Variants in SRGAP1 observed in about 807,000 individuals in gnomAD.
The protein encoded by SRGAP1 is SLIT-ROBO Rho GTPase-activating protein 1.
SRGAP1 carries 43 observed loss-of-function variants against 121.9 expected under a neutral mutation model. That is an observed-to-expected ratio of 0.35 (90% CI 0.28 to 0.46). The LOEUF is 0.46. Ranked by LOEUF, SRGAP1 falls within the 20% of genes least tolerant of loss-of-function variation. The pLI, the probability that SRGAP1 is intolerant of heterozygous loss-of-function variation, is 1.00. For synonymous variants in SRGAP1, 447 were observed against 485.4 expected (o/e 0.92, Z 1.04); for missense variants, 1,102 against 1,350.9 (o/e 0.82, Z 2.89).
In SRGAP1 at chr12:64,154,394, C is replaced by T. The variant is rs2037147861; in HGVS notation, c.*11722C>T. On this transcript the variant is annotated 3_prime_UTR_variant, in exon 22 of 22. Transcript: ENST00000355086. Reference sequence around the variant, plus strand: ...ATGGCATGAGGGAAGTGAGAGACCACAATTAAGGAGCAACACAGGAGATGA... The same window carrying T: ...ATGGCATGAGGGAAGTGAGAGACCATAATTAAGGAGCAACACAGGAGATGA... 6.6e-6 allele frequency: 1 copy of T among 151,836 alleles called. No individual in the cohort carries two copies. Among genetic ancestry groups the T allele is most frequent in the East Asian group, 1.9e-4 (1 of 5,182 alleles). The allele number at this position is 151,836 out of a possible 1,614,324, so 9.4% of individuals were successfully genotyped here. A position where few individuals can be genotyped will look rare whatever the true frequency, so the allele number is the denominator to read the frequency against.
chr12:64,096,645 T>C (rs1007969911), intron 14 of SRGAP1, among the ~76,000 whole-genome samples: 20 of 152,232 alleles, frequency 1.3e-4, no homozygotes, highest in Non-Finnish European at 2.6e-4. Flanking sequence ...TACAAACTCC[T>C]TGGTAACATG....
intron 6 of SRGAP1, among the ~76,000 whole-genome samples, chr12:64,050,912 C>T (rs1032510971): frequency 2.4e-4 from 37 of 151,948 alleles, no homozygotes; most frequent in Admixed American, 5.9e-4. Flanking sequence ...TTAGTAGAGA[C>T]GGGGTTTCAC....
At chr12:64,136,735 T>C (rs2036862362) in intron 21 of SRGAP1, among the ~76,000 whole-genome samples, 1 of 152,184 alleles carries the variant, frequency 6.6e-6, no homozygotes, top group South Asian at 2.1e-4. Context: ...GACTGTTTTA[T>C]TTTTTTCTGT....
chr12:63,975,719 A>G (rs1359406630), intron 1 of SRGAP1, among the ~76,000 whole-genome samples: 1 of 152,122 alleles, frequency 6.6e-6, no homozygotes, highest in African/African-American at 2.4e-5. Flanking sequence ...AGTGCTTAAG[A>G]TTTCTCCACA....
At chr12:64,055,778 T>C (rs2035328780) in intron 6 of SRGAP1, among the ~76,000 whole-genome samples, 1 of 152,190 alleles carries the variant, frequency 6.6e-6, no homozygotes, top group Non-Finnish European at 1.5e-5. Context: ...CTGTTCTTTC[T>C]CTTTTCTCAG....
In SRGAP1 at chr12:64,098,680, AAAAAAAT is replaced by A. The variant is rs1411897612; in HGVS notation, c.1813+1312_1813+1318del. Among the ~76,000 whole-genome samples the A allele has an allele frequency of 4.2e-5, 6 of 142,428 alleles. No homozygotes were observed. In the South Asian group the frequency reaches 6.5e-4, roughly 15 times the overall value. 93.4% of individuals were successfully genotyped at this position (142,428 alleles called of 152,430 possible). On this transcript the variant is annotated intron_variant, in intron 15 of 21. Transcript: ENST00000355086. Reference sequence around the variant, plus strand: ...GCAAGACTCTGTCTCAAAAAAAAATAAAAAAATAAAAAAGCTAACTCCATGGCATGGC... The same window carrying A: ...GCAAGACTCTGTCTCAAAAAAAAATAAAAAAAGCTAACTCCATGGCATGGC...
intron 3 of SRGAP1, among the ~76,000 whole-genome samples, chr12:63,991,631 T>A (rs1376086401): frequency 6.6e-6 from 1 of 152,134 alleles, no homozygotes; most frequent in Non-Finnish European, 1.5e-5. Flanking sequence ...GAGATCTCGT[T>A]TGGTTCAGCA....
chr12:63,946,839 G>A (rs187433260), intron 1 of SRGAP1, among the ~76,000 whole-genome samples: 3 of 152,152 alleles, frequency 2.0e-5, no homozygotes, highest in East Asian at 1.9e-4. Context: ...CATTATGCCC[G>A]GCTTAGTTTG....
intron 1 of SRGAP1, among the ~76,000 whole-genome samples, chr12:63,861,842 C>G (rs1899463954): frequency 6.6e-6 from 1 of 152,072 alleles, no homozygotes; most frequent in Non-Finnish European, 1.5e-5. Context: ...TAAAAATTGG[C>G]CTGGCGCAGT....
intron 4 of SRGAP1, among the ~76,000 whole-genome samples, chr12:64,040,634 T>C (rs1189792334): frequency 2.0e-5 from 3 of 152,164 alleles, no homozygotes; most frequent in Admixed American, 1.3e-4. Flanking sequence ...AAAATTATGA[T>C]TTTCAGATAA....
intron 1 of SRGAP1, among the ~76,000 whole-genome samples, chr12:63,876,225 T>A (rs1442880143): frequency 6.6e-6 from 1 of 152,160 alleles, no homozygotes; most frequent in Non-Finnish European, 1.5e-5. Context: ...GAGAAAATTT[T>A]AATATCATGA....
At chr12:63,952,138 C>T (rs1440384979) in intron 1 of SRGAP1, among the ~76,000 whole-genome samples, 3 of 152,000 alleles carry the variant, frequency 2.0e-5, no homozygotes, top group African/African-American at 7.3e-5. Context: ...TACACTCACC[C>T]CCCTCCCCAC....
chr12:64,051,457 A>T (rs2035237868), intron 6 of SRGAP1, among the ~76,000 whole-genome samples: 2 of 152,136 alleles, frequency 1.3e-5, no homozygotes, highest in African/African-American at 4.8e-5. Context: ...GTTCAGCAAA[A>T]CTCTTTCTTA....
chr12:63,925,258 A>G (rs1044393334), intron 1 of SRGAP1, among the ~76,000 whole-genome samples: 4 of 152,334 alleles, frequency 2.6e-5, no homozygotes, highest in Non-Finnish European at 4.4e-5. Flanking sequence ...ACATTATTAT[A>G]AACTATTTAC....
In SRGAP1 at chr12:64,080,618, AG is replaced by A. The variant is rs566052332; in HGVS notation, c.1408+251del. On this transcript the variant is annotated intron_variant, in intron 10 of 21. Transcript: ENST00000355086. ...GCTGGAAAGTCAATACCGAGCTCCT[AG>A]GGAGGGATCTTCAGAGTGTGGTGCT... is the stretch of plus-strand genomic sequence containing the variant. The A allele has an allele frequency of 3.5e-3, 1,919 of 549,108 alleles. 6 individuals carry two copies. Among genetic ancestry groups the A allele is most frequent in the Non-Finnish European group, 5.3e-3 (1,595 of 302,006 alleles). 34.0% of individuals were successfully genotyped at this position (549,108 alleles called of 1,614,324 possible).
chr12:63,859,214 C>T (rs1421334593), intron 1 of SRGAP1, among the ~76,000 whole-genome samples: 1 of 152,044 alleles, frequency 6.6e-6, no homozygotes, highest in Non-Finnish European at 1.5e-5. Flanking sequence ...CTCTGTCATC[C>T]AGGCTGGCAT....
At chr12:64,076,187 GT>G (rs748395980) in intron 8 of SRGAP1, among the ~76,000 whole-genome samples, 2 of 152,136 alleles carry the variant, frequency 1.3e-5, no homozygotes, top group Non-Finnish European at 2.9e-5. Context: ...TTGACCTCAA[GT>G]AACTCTACAA....
At chr12:63,868,217 G>T (rs1428584323) in intron 1 of SRGAP1, among the ~76,000 whole-genome samples, 4 of 150,828 alleles carry the variant, frequency 2.7e-5, no homozygotes, top group Non-Finnish European at 5.9e-5. Context: ...AAGCAGCTGG[G>T]ATTACAGGTG....
At chr12:64,101,605 A>ATTTTG (rs544554930) in intron 15 of SRGAP1, among the ~76,000 whole-genome samples, 12 of 152,006 alleles carry the variant, frequency 7.9e-5, no homozygotes, top group East Asian at 1.9e-4. Context: ...CCCAAGAGTT[A>ATTTTG]TTTTGTTTTG....
Sources: allele counts gnomAD v4.1 joint callset (sites outside exome capture counted in the v4.1 genomes callset), GRCh38; gene constraint gnomAD v4.1.1; transcripts MANE v1.5; gene names NCBI Gene and HGNC (gene_info 2026-07-23, HGNC 2026-07-21).